Variants in ZC3H12B observed in about 807,000 individuals in gnomAD.
ZC3H12B encodes probable ribonuclease ZC3H12B.
ZC3H12B carries 7 observed loss-of-function variants against 43.9 expected under a neutral mutation model. That is an observed-to-expected ratio of 0.16 (90% CI 0.09 to 0.30). The LOEUF is 0.30. Among genes scored for constraint, ZC3H12B ranks in the 10% least tolerant of loss-of-function variants. ZC3H12B has a pLI of 1.00. For synonymous variants in ZC3H12B, 222 were observed against 241.7 expected, an observed-to-expected ratio of 0.92 and a Z score of 0.76; for missense variants, 475 against 670.2, an observed-to-expected ratio of 0.71 and a Z score of 3.22.
chrX:65,122,598 TAA>T, the ZC3H12B span, among the ~76,000 whole-genome samples: 10 of 111,016 alleles, frequency 9.0e-5, no homozygotes, highest in Non-Finnish European at 1.7e-4. Flanking sequence ...GCAAATTGGA[TAA>T]AGAGTCAAGA....
At chrX:65,274,470 G>T in the ZC3H12B span, among the ~76,000 whole-genome samples, 127 of 110,405 alleles carry the variant, frequency 1.2e-3, no homozygotes, top group African/African-American at 4.0e-3. Context: ...CCCCAGCTGT[G>T]TGGAGCCTGA....
At chrX:65,237,636 G>C in the ZC3H12B span, among the ~76,000 whole-genome samples, 1 of 109,144 alleles carries the variant, frequency 9.2e-6, no homozygotes, top group Non-Finnish European at 1.9e-5. Context: ...TACTTGTCTT[G>C]TGCCAGTTTT....
chrX:65,112,242 G>C, the ZC3H12B span, among the ~76,000 whole-genome samples: 1 of 111,845 alleles, frequency 8.9e-6, no homozygotes, highest in African/African-American at 3.2e-5. Flanking sequence ...AGGGCTGAGA[G>C]AGGTGAAGAA....
chrX:65,063,772 G>C, the ZC3H12B span, among the ~76,000 whole-genome samples: 2 of 111,967 alleles, frequency 1.8e-5, no homozygotes, highest in Admixed American at 1.9e-4. Flanking sequence ...AATTGGCTGT[G>C]AATCCCTCTG....
intron 3 of ZC3H12B, among the ~76,000 whole-genome samples, chrX:65,480,211 A>G (rs1466881481): frequency 8.9e-6 from 1 of 112,524 alleles, no homozygotes; most frequent in African/African-American, 3.2e-5. Context: ...GTAACTATCA[A>G]AAGATTTCAT....
chrX:65,292,587 TAACA>T, the ZC3H12B span, among the ~76,000 whole-genome samples: 1 of 110,275 alleles, frequency 9.1e-6, no homozygotes, highest in Non-Finnish European at 1.9e-5. Flanking sequence ...TTTACCTATG[TAACA>T]AACCTGCACA....
At chrX:65,212,440 A>G in the ZC3H12B span, among the ~76,000 whole-genome samples, 7 of 59,598 alleles carry the variant, frequency 1.2e-4, no homozygotes, top group East Asian at 2.5e-3. Context: ...ATTATATATT[A>G]TATTATATAT....
the ZC3H12B span, among the ~76,000 whole-genome samples, chrX:65,289,827 A>G: frequency 9.0e-6 from 1 of 110,623 alleles, no homozygotes; most frequent in Non-Finnish European, 1.9e-5. Context: ...CTATGTGCAT[A>G]AATCAACCCA....
intron 3 of ZC3H12B, among the ~76,000 whole-genome samples, chrX:65,475,375 G>A (rs952729374): frequency 9.0e-6 from 1 of 110,536 alleles, no homozygotes; most frequent in Non-Finnish European, 1.9e-5. Context: ...GTTTGTCTGG[G>A]AAAAGGTTTC....
chrX:65,265,861 C>T, the ZC3H12B span, among the ~76,000 whole-genome samples: 1 of 111,455 alleles, frequency 9.0e-6, no homozygotes, highest in Non-Finnish European at 1.9e-5. Context: ...TATTGGACAA[C>T]CAGCAGCACA....
At chrX:65,499,178 G>A in exon 3 of ZC3H12B, 4 of 1,211,101 alleles carry the variant, frequency 3.3e-6, no homozygotes, top group Non-Finnish European at 4.5e-6. Context: ...TGAAAAGCCA[G>A]AATGGAAGAA....
chrX:65,357,897 C>A, the ZC3H12B span, among the ~76,000 whole-genome samples: 326 of 110,879 alleles, frequency 2.9e-3, no homozygotes, highest in Non-Finnish European at 4.9e-3. Flanking sequence ...TACAGTCTGG[C>A]AAATTGGATA....
the ZC3H12B span, among the ~76,000 whole-genome samples, chrX:65,175,994 A>AT: frequency 1.7e-4 from 18 of 106,346 alleles, no homozygotes; most frequent in Non-Finnish European, 3.6e-4. Context: ...AGCTGCAGGC[A>AT]TTTTTTTTCA....
At chrX:65,143,272 G>A in the ZC3H12B span, among the ~76,000 whole-genome samples, 1 of 110,906 alleles carries the variant, frequency 9.0e-6, no homozygotes, top group Admixed American at 9.6e-5. Flanking sequence ...TGTTTTTGCA[G>A]CTATTGTAAA....
chrX:65,461,828 T>A (rs1476960032), intron 3 of ZC3H12B, among the ~76,000 whole-genome samples: 1 of 110,196 alleles, frequency 9.1e-6, no homozygotes, highest in African/African-American at 3.3e-5. Context: ...GTTGTGCACA[T>A]GTACCCTAAA....
intron 3 of ZC3H12B, among the ~76,000 whole-genome samples, chrX:65,450,131 C>G (rs955381947): frequency 9.3e-6 from 1 of 107,071 alleles, no homozygotes; most frequent in East Asian, 2.9e-4. Context: ...ATGGCGAAAC[C>G]CTGTCTCTAC....
intron 2 of ZC3H12B, among the ~76,000 whole-genome samples, chrX:65,378,017 T>A (rs988059001): frequency 6.3e-5 from 7 of 110,613 alleles, no homozygotes; most frequent in Middle Eastern, 4.7e-3. Flanking sequence ...GAGAATGGCA[T>A]GAACCTGGGG....
At position 65,491,615 on chromosome X, in the gene ZC3H12B, G is replaced by A. The variant is rs1437286736; in HGVS notation, c.608+2206G>A. ...ACAGCTACTCAGGAGGCTGAGGTGGGAGGTTCTCTTGAGCTCGGGAGGTCA... is the reference window on the plus strand; with the variant it reads ...ACAGCTACTCAGGAGGCTGAGGTGGAAGGTTCTCTTGAGCTCGGGAGGTCA... On this transcript the variant is annotated intron_variant, in intron 1 of 4. Coordinates refer to ENST00000338957, the Ensembl canonical transcript of ZC3H12B. 2.8e-5 allele frequency among the ~76,000 whole-genome samples: 3 copies of A among 108,213 alleles called. 1 individual carries two copies. The highest frequency in any genetic ancestry group is 8.5e-3 in the Middle Eastern group (2 of 236). The allele number at this position is 108,213 out of a possible 115,157, so 94.0% of individuals were successfully genotyped here.
the ZC3H12B span, among the ~76,000 whole-genome samples, chrX:65,321,243 T>TA: frequency 2.7e-4 from 30 of 110,838 alleles, no homozygotes; most frequent in African/African-American, 9.8e-4. Flanking sequence ...AACAGTCACT[T>TA]AAAAAAAAGA....
Sources: gnomAD v4.1 joint callset for allele counts (sites outside exome capture counted in the v4.1 genomes callset) on GRCh38, gnomAD v4.1.1 for gene constraint, MANE v1.5 for transcripts, NCBI Gene and HGNC (gene_info 2026-07-23, HGNC 2026-07-21) for gene names.